The following ANXA11 variants were observed in gnomAD, a reference collection of about 807,000 sequenced individuals.
ANXA11 encodes 56 kDa autoantigen.
ANXA11 carries 57 observed loss-of-function variants against 64.7 expected under a neutral mutation model. The ratio of observed to expected loss-of-function variants is 0.88; its 90% CI spans 0.71 to 1.10. The LOEUF (loss-of-function observed/expected upper bound fraction) is 1.10. Ranked by LOEUF, ANXA11 falls within the 50% of genes least tolerant of loss-of-function variation. The pLI, the probability that ANXA11 is intolerant of heterozygous loss-of-function variation, is 0.00. For synonymous variants in ANXA11, 260 were observed against 265.2 expected (o/e 0.98, Z 0.19); for missense variants, 675 against 670.7 (o/e 1.01, Z -0.07).
At chr10:80,158,301 G>A (rs1187209278) in intron 13 of ANXA11, among the ~76,000 whole-genome samples, 1 of 152,172 alleles carries the variant, frequency 6.6e-6, no homozygotes, top group African/African-American at 2.4e-5. Context: ...GGGTCTTAGT[G>A]GGGCTAGGAG....
At chr10:80,197,940 C>A (rs1429645099) in intron 1 of ANXA11, among the ~76,000 whole-genome samples, 1 of 151,250 alleles carries the variant, frequency 6.6e-6, no homozygotes, top group Admixed American at 6.6e-5. Flanking sequence ...AAAAAAATAA[C>A]CCCTATCCCA....
At chr10:80,179,923 ACATGGTGC>A (rs1452396069) in intron 1 of ANXA11, among the ~76,000 whole-genome samples, 2 of 152,150 alleles carry the variant, frequency 1.3e-5, no homozygotes, top group Non-Finnish European at 2.9e-5. Flanking sequence ...GGCCTCTCAA[ACATGGTGC>A]CATCCCTATT....
At chr10:80,170,120 T>C (rs1415848275) in intron 4 of ANXA11, among the ~76,000 whole-genome samples, 1 of 152,178 alleles carries the variant, frequency 6.6e-6, no homozygotes, top group Non-Finnish European at 1.5e-5. Flanking sequence ...ACACTTTCAA[T>C]AACATCACAT....
intron 1 of ANXA11, among the ~76,000 whole-genome samples, chr10:80,179,793 T>C (rs1846292935): frequency 6.6e-6 from 1 of 152,192 alleles, no homozygotes; most frequent in Non-Finnish European, 1.5e-5. Flanking sequence ...CTATACAAAC[T>C]GCATGCTTTT....
In ANXA11 at chr10:80,159,198, A is replaced by T. The variant is rs1845408781; in HGVS notation, c.1181-3T>A. On this transcript the variant is annotated splice_region_variant and splice_polypyrimidine_tract_variant and intron_variant, in intron 12 of 15. Transcript: ENST00000422982. ...CATTCTCTGGTACTCATTGAAAACT[A>T]TGGGGATGACAGAGGCTTATATTAT... is the stretch of plus-strand genomic sequence containing the variant. The T allele has an allele frequency of 4.3e-6, 7 of 1,612,410 alleles. No homozygotes were observed. Among genetic ancestry groups the T allele is most frequent in the Middle Eastern group, 3.3e-4 (2 of 6,076 alleles).
chr10:80,185,126 T>C (rs1436611592), intron 1 of ANXA11, among the ~76,000 whole-genome samples: 1 of 152,236 alleles, frequency 6.6e-6, no homozygotes, highest in Admixed American at 6.5e-5. Context: ...ATTTTGGCCT[T>C]CTGTAGAGCA....
rs969083807 is a variant in ANXA11, at chr10:80,153,088, T to G, written c.*2765A>C. 2.0e-5 allele frequency: 3 copies of G among 152,240 alleles called. No homozygotes were observed. The highest frequency in any genetic ancestry group is 4.4e-5 in the Non-Finnish European group (3 of 68,056). 9.4% of individuals were successfully genotyped at this position (152,240 alleles called of 1,614,324 possible). On this transcript the variant is annotated 3_prime_UTR_variant, in exon 16 of 16. Transcript: ENST00000422982. ...TCTGGCCTGGATATCCACCTTGGTC[T>G]ATTCCTTGACCAAAGCACATCCATG...
chr10:80,203,044 CAAAAAAAAAAAAA>C (rs11444706), intron 1 of ANXA11, among the ~76,000 whole-genome samples: 3 of 85,260 alleles, frequency 3.5e-5, no homozygotes, highest in Non-Finnish European at 7.1e-5. Flanking sequence ...AAATCTGTCT[CAAAAAAAAAAAAA>C]AAAAAAAAGA....
chr10:80,205,595 G>T (rs1840647032), upstream of ANXA11: 1 of 152,032 alleles, frequency 6.6e-6, no homozygotes, highest in Non-Finnish European at 1.5e-5. Context: ...GGGCCTGAGC[G>T]CGGCCCCGCC....
At chr10:80,163,926 G>A (rs1845622649) in intron 9 of ANXA11, 127 bp downstream of exon 9, 4 of 760,448 alleles carry the variant, frequency 5.3e-6, no homozygotes, top group Non-Finnish European at 8.5e-6. Context: ...TATTGGGGGT[G>A]GCAGAAGATG....
chr10:80,177,339 C>T (rs1313274737), intron 1 of ANXA11, among the ~76,000 whole-genome samples: 2 of 152,058 alleles, frequency 1.3e-5, no homozygotes, highest in Admixed American at 6.6e-5. Flanking sequence ...CTGAAGAGTG[C>T]AGGGCGGGAC....
At chr10:80,172,515 A>G (rs1220778809) in intron 3 of ANXA11, among the ~76,000 whole-genome samples, 1 of 152,158 alleles carries the variant, frequency 6.6e-6, no homozygotes, top group Non-Finnish European at 1.5e-5. Flanking sequence ...TCTCAAAGTG[A>G]CAGCATTTGC....
rs1448214215 is a variant in ANXA11, at chr10:80,152,878, C to T, written c.*2975G>A. 6.6e-6 allele frequency: 1 copy of T among 152,274 alleles called. No homozygotes were observed. The highest frequency in any genetic ancestry group is 6.5e-5 in the Admixed American group (1 of 15,288). 9.4% of individuals were successfully genotyped at this position (152,274 alleles called of 1,614,324 possible). Reference sequence around the variant, plus strand: ...CCTTACAGGGGTCAATAGCTTCACTCTCTCTGGGTGCTAGTGCACACCACG... The same window carrying T: ...CCTTACAGGGGTCAATAGCTTCACTTTCTCTGGGTGCTAGTGCACACCACG... On this transcript the variant is annotated 3_prime_UTR_variant, in exon 16 of 16. Coordinates refer to ENST00000422982, the MANE Select transcript of ANXA11 (RefSeq NM_145868.2).
At position 80,203,437 on chromosome 10, in the gene ANXA11, C is replaced by T. The variant is rs534526204; in HGVS notation, c.-58+1906G>A. Among the ~76,000 whole-genome samples, 8 of 152,268 alleles carry T rather than the reference C, an allele frequency of 5.3e-5. No individual in the cohort carries two copies. The East Asian group carries it at 1.5e-3, about 29-fold the overall frequency. On this transcript the variant is annotated intron_variant, in intron 1 of 15. Coordinates refer to ENST00000422982, the MANE Select transcript of ANXA11 (RefSeq NM_145868.2). ...CCCAATTCATCTCCATCTCACCCTCCCCACGTTTCTCTATCCAAACCCAGC... is the reference window on the plus strand; with the variant it reads ...CCCAATTCATCTCCATCTCACCCTCTCCACGTTTCTCTATCCAAACCCAGC...
chr10:80,180,083 G>A lies in ANXA11; in HGVS notation c.-57-3928C>T, dbSNP rs368867573. Among the ~76,000 whole-genome samples the A allele has an allele frequency of 5.3e-5, 8 of 152,320 alleles. No individual in the cohort carries two copies. The East Asian group carries it at 9.6e-4, about 18-fold the overall frequency. On this transcript the variant is annotated intron_variant, in intron 1 of 15. Transcript: ENST00000422982. ...GGCCTGTTCCCTAAAGCCATGTTAC[G>A]TGTACGTAAGTGTACCATTCAACTC...
chr10:80,174,765 C>A (rs543874120), intron 2 of ANXA11, among the ~76,000 whole-genome samples: 3 of 152,314 alleles, frequency 2.0e-5, no homozygotes, highest in African/African-American at 7.2e-5. Flanking sequence ...GCCATGTTGG[C>A]CAGGCTGGTC....
Position 80,168,979 on chromosome 10 carries a change from G to T in ANXA11, c.551C>A (p.Pro184His). Residue 184 changes from proline to histidine, a missense_variant, in exon 5 of 16, where the codon CCC becomes CAC. By Grantham distance (77) the Pro-to-His change is moderately conservative. Coordinates refer to ENST00000422982, the MANE Select transcript of ANXA11 (RefSeq NM_145868.2). ...TGGGCTGACACTCACCTGGGTTGGG[G>T]GCACAGCGGGGGTGACAGTCCCAGA... is the stretch of plus-strand genomic sequence containing the variant. ...PGSGTVTPAV[P>H]PTQFGSRGTI... is the part of the protein sequence containing the mutation. 6.5e-7 allele frequency: 1 copy of T among 1,533,598 alleles called. No individual in the cohort carries two copies. Among genetic ancestry groups the T allele is most frequent in the Non-Finnish European group, 8.7e-7 (1 of 1,146,156 alleles). The allele number at this position is 1,533,598 out of a possible 1,614,324, so 95.0% of individuals were successfully genotyped here. A position where few individuals can be genotyped will look rare whatever the true frequency, so the allele number is the denominator to read the frequency against.
rs61860018 is a variant in ANXA11 at position 80,159,124 on chromosome 10, G to A, written c.1252C>T (p.Leu418=). 6.8e-4 allele frequency: 1,105 copies of A among 1,614,084 alleles called. No homozygotes were observed. The highest frequency in any genetic ancestry group is 8.7e-4 in the Non-Finnish European group (1,022 of 1,179,998). ...CCCACGGCCAGCATGCCCTCCTCCA[G>A]GTCCCCGGACATCTCCCGGCAGATG... ...KSICREMSGD[L]EEGMLAVVKC... is the part of the protein sequence containing the mutation. Residue 418 remains leucine, a synonymous_variant, in exon 13 of 16, where the codon CTG becomes TTG. Coordinates refer to ENST00000422982, the MANE Select transcript of ANXA11 (RefSeq NM_145868.2).
chr10:80,171,222 C>T, intron 3 of ANXA11: 1 of 1,239,848 alleles, frequency 8.1e-7, no homozygotes, highest in Non-Finnish European at 1.0e-6. Context: ...CCAAGTTCAC[C>T]ATCATGGAGC....
Sources: gnomAD v4.1 joint callset for allele counts (sites outside exome capture counted in the v4.1 genomes callset) on GRCh38, gnomAD v4.1.1 for gene constraint, MANE v1.5 for transcripts, NCBI Gene and HGNC (gene_info 2026-07-23, HGNC 2026-07-21) for gene names.